Variants in FAM53B observed in about 807,000 individuals in gnomAD.
FAM53B encodes protein FAM53B.
In FAM53B, 12 loss-of-function variants were observed where a neutral mutation model predicts 32.7. That is an observed-to-expected ratio of 0.37 (90% CI 0.24 to 0.59). FAM53B has a LOEUF of 0.59. FAM53B is among the 20% of genes least tolerant of loss of function. The pLI is 0.72. For missense variants in FAM53B, 477 were observed against 577.7 expected, an observed-to-expected ratio of 0.83 and a Z score of 1.79; for synonymous variants, 234 against 228.7, an observed-to-expected ratio of 1.02 and a Z score of -0.21.
chr10:124,682,154 GAGA>G lies in FAM53B; in HGVS notation c.356_358del (p.Phe119del). On this transcript the variant is annotated inframe_deletion, in exon 4 of 5. Transcript: ENST00000337318. This position sits in a 1 kb window ranked among gnomAD's most constrained non-coding sequence, Gnocchi z 5.2. ...TGTCCGGCAACTGGACATCTCATCG[GAGA>G]AGGACAGTGAGCGGCACTGGCGCTT... is the stretch of plus-strand genomic sequence containing the variant. 1.2e-6 allele frequency: 2 copies of G among 1,613,618 alleles called. No individual in the cohort carries two copies. The highest frequency in any genetic ancestry group is 1.7e-4 in the Middle Eastern group (1 of 6,060).
At chr10:124,706,931 G>A in intron 1 of FAM53B, 44 bp from the exon 2 acceptor site, 2 of 1,410,778 alleles carry the variant, frequency 1.4e-6, no homozygotes, top group Non-Finnish European at 1.8e-6. Flanking sequence ...GACTAAGAAA[G>A]ACGAGGGCCC....
At chr10:124,710,001 A>G (rs554568077) in intron 1 of FAM53B, among the ~76,000 whole-genome samples, 1 of 152,352 alleles carries the variant, frequency 6.6e-6, no homozygotes, top group Non-Finnish European at 1.5e-5. Flanking sequence ...CTTAAAAAAC[A>G]GGCAAGATTT....
At position 124,619,365 on chromosome 10, in the gene FAM53B, G is replaced by A. The variant is rs1949287832; in HGVS notation, c.*3877C>T. ...AAATTCCTGAGAGACTAGAGCGGCT[G>A]GAGTGCAAGCCACAGCCTGTGCGGG... On this transcript the variant is annotated 3_prime_UTR_variant, in exon 5 of 5. Coordinates refer to ENST00000337318, the MANE Select transcript of FAM53B (RefSeq NM_014661.4). The A allele has an allele frequency of 6.6e-6, 1 of 152,616 alleles. No individual in the cohort carries two copies. The highest frequency in any genetic ancestry group is 2.1e-4 in the South Asian group (1 of 4,830). The allele number at this position is 152,616 out of a possible 1,614,324, so 9.5% of individuals were successfully genotyped here.
intron 4 of FAM53B, among the ~76,000 whole-genome samples, chr10:124,666,892 C>G (rs1188615899): frequency 6.6e-6 from 1 of 152,152 alleles, no homozygotes. Context: ...CTGCTATACC[C>G]GAGGCAGAGG....
intron 4 of FAM53B, chr10:124,623,995 A>G (rs1949329482): frequency 5.3e-6 from 1 of 190,056 alleles, no homozygotes; most frequent in Non-Finnish European, 1.1e-5. Flanking sequence ...TTGGATTTTT[A>G]TCTTAAGAAA....
At chr10:124,704,097 G>A (rs553138713) in intron 2 of FAM53B, 12 of 152,472 alleles carry the variant, frequency 7.9e-5, no homozygotes, top group African/African-American at 2.4e-4. Context: ...AGCTGGACCC[G>A]GGTAGGGCTC....
chr10:124,650,620 C>A (rs925808802), intron 4 of FAM53B, among the ~76,000 whole-genome samples: 1 of 152,188 alleles, frequency 6.6e-6, no homozygotes, highest in Non-Finnish European at 1.5e-5. Flanking sequence ...CTGGCCAGAG[C>A]ACAGCGAAGC....
In FAM53B at chr10:124,654,429, AG is replaced by A. The variant is rs146434258; in HGVS notation, c.906+27177del. 6.4e-3 allele frequency among the ~76,000 whole-genome samples: 974 copies of A among 152,358 alleles called. 11 individuals carry two copies. The highest frequency in any genetic ancestry group is 0.022 in the African/African-American group (927 of 41,582). On this transcript the variant is annotated intron_variant, in intron 4 of 4. Coordinates refer to ENST00000337318, the MANE Select transcript of FAM53B (RefSeq NM_014661.4). ...TGTGGCCATGCTGGCAAGGATGGGA[AG>A]GAAGAGCGCTCCCAGGGAGGTGGTG...
At chr10:124,703,277 T>C (rs1024498938) in intron 2 of FAM53B, among the ~76,000 whole-genome samples, 2 of 152,210 alleles carry the variant, frequency 1.3e-5, no homozygotes, top group Non-Finnish European at 2.9e-5. Flanking sequence ...CTTGATCTCC[T>C]GACCTCGTGA....
At chr10:124,741,251 T>C (rs1162463708) in intron 1 of FAM53B, among the ~76,000 whole-genome samples, 1 of 152,204 alleles carries the variant, frequency 6.6e-6, no homozygotes, top group African/African-American at 2.4e-5. Context: ...ATGGGGGTTG[T>C]GCCGATCTGA....
rs570262413 is a variant in FAM53B, at chr10:124,721,507, T to C, written c.-174-14620A>G. On this transcript the variant is annotated intron_variant, in intron 1 of 4. Coordinates refer to ENST00000337318, the MANE Select transcript of FAM53B (RefSeq NM_014661.4). ...GGTATGGCCTGAAGGTCACAGTCTG[T>C]AAGGGAGTCTCCCCAAGCGACGCCA... Among the ~76,000 whole-genome samples the C allele has an allele frequency of 8.5e-5, 13 of 152,250 alleles. No homozygotes were observed. The Middle Eastern group carries it at 0.01, about 120-fold the overall frequency.
At chr10:124,724,372 G>C (rs948699354) in intron 1 of FAM53B, among the ~76,000 whole-genome samples, 4 of 152,182 alleles carry the variant, frequency 2.6e-5, no homozygotes, top group Non-Finnish European at 5.9e-5. Flanking sequence ...CACAACATCG[G>C]CCAGTGCCAG....
At chr10:124,740,000 C>T (rs554047588) in intron 1 of FAM53B, among the ~76,000 whole-genome samples, 1 of 152,290 alleles carries the variant, frequency 6.6e-6, no homozygotes, top group African/African-American at 2.4e-5. Flanking sequence ...AAGGACGTCT[C>T]TATTTTTCAG....
At chr10:124,740,480 G>A (rs1309163410) in intron 1 of FAM53B, among the ~76,000 whole-genome samples, 1 of 152,164 alleles carries the variant, frequency 6.6e-6, no homozygotes, top group East Asian at 1.9e-4. Context: ...GCAAGTCTCA[G>A]GGTACATCAG....
chr10:124,696,308 G>T, intron 2 of FAM53B, 96 bp from the exon 3 acceptor site: 1 of 1,069,998 alleles, frequency 9.3e-7, no homozygotes, highest in South Asian at 1.3e-5. Flanking sequence ...ATAAAAGGGT[G>T]ACTGTCCTTT....
rs532266365 is a variant in FAM53B at position 124,740,865 on chromosome 10, G to A, written c.-175+3148C>T. On this transcript the variant is annotated intron_variant, in intron 1 of 4. Coordinates refer to ENST00000337318, the MANE Select transcript of FAM53B (RefSeq NM_014661.4). Reference sequence around the variant, plus strand: ...CAGCCGGACGAGGCAAGGAGGAGGAGAGTCCAGCAGAGCTAAGCTTCGCTG... The same window carrying A: ...CAGCCGGACGAGGCAAGGAGGAGGAAAGTCCAGCAGAGCTAAGCTTCGCTG... Among the ~76,000 whole-genome samples, 105 of 152,318 alleles carry A rather than the reference G, an allele frequency of 6.9e-4. 2 individuals carry two copies. In the South Asian group the frequency reaches 0.02, roughly 29 times the overall value.
rs1287647212 is a variant in FAM53B at position 124,696,193 on chromosome 10, C to T, written c.98G>A (p.Ser33Asn). 2.5e-6 allele frequency: 4 copies of T among 1,613,992 alleles called. No individual in the cohort carries two copies. The South Asian group carries it at 3.3e-5, about 13-fold the overall frequency. Reference protein sequence around the residue: ...SRELHTPKKMSQGPTLFSCGI... With the variant: ...SRELHTPKKMNQGPTLFSCGI... ...ACAAGAGAAAAGTGTAGGTCCTTGA[C>T]TCATCTTCTTTGGCGTGTGCTGAAA... The change falls in exon 3 of 5, where the codon AGT becomes AAT. Residue 33 changes from serine (S) to asparagine (N), a missense_variant. Transcript: ENST00000337318.
intron 4 of FAM53B, among the ~76,000 whole-genome samples, chr10:124,635,333 T>A (rs7078673): frequency 6.6e-6 from 1 of 152,144 alleles, no homozygotes; most frequent in East Asian, 1.9e-4. Context: ...CCTTGTGATC[T>A]GCCTCGGCCT....
intron 1 of FAM53B, among the ~76,000 whole-genome samples, chr10:124,723,799 A>G (rs1950084889): frequency 6.6e-6 from 1 of 152,222 alleles, no homozygotes; most frequent in Non-Finnish European, 1.5e-5. Flanking sequence ...CTCCACAGAG[A>G]GCAAAATGGG....
Sources: gnomAD v4.1 joint callset for allele counts (sites outside exome capture counted in the v4.1 genomes callset) on GRCh38, gnomAD v4.1.1 for gene constraint, Gnocchi (gnomAD v3.1) non-coding constraint, MANE v1.5 for transcripts, NCBI Gene and HGNC (gene_info 2026-07-23, HGNC 2026-07-21) for gene names.